ZNF717: variants seen among roughly 807,000 people sequenced by gnomAD.
ZNF717 encodes krueppel-like factor X17.
A neutral mutation model predicts 13.8 loss-of-function variants in ZNF717; 9 were observed. The observed-to-expected ratio is 0.65, with a 90% CI of 0.39 to 1.14. The LOEUF is 1.14. Among genes scored for constraint, ZNF717 ranks in the 50% most tolerant of loss-of-function variants. ZNF717 has a pLI of 0.01. For synonymous variants in ZNF717, 327 were observed against 364.1 expected (o/e 0.90, Z 1.16); for missense variants, 1,040 against 1,080.7 (o/e 0.96, Z 0.53).
At chr3:75,776,572 T>G (rs1471580329) in intron 2 of ZNF717, among the ~76,000 whole-genome samples, 1 of 152,268 alleles carries the variant, frequency 6.6e-6, no homozygotes, top group Non-Finnish European at 1.5e-5. Flanking sequence ...TGACTGGATC[T>G]TCTGAGAACA....
chr3:75,722,096 A>C (rs1416114363), intron 4 of ZNF717, among the ~76,000 whole-genome samples: 2 of 50,348 alleles, frequency 4.0e-5, no homozygotes, highest in Non-Finnish European at 1.0e-4. Context: ...AAATACAAAA[A>C]AAAAAAAAAA....
At chr3:75,767,568 T>C (rs1415978320) in intron 2 of ZNF717, among the ~76,000 whole-genome samples, 2 of 152,188 alleles carry the variant, frequency 1.3e-5, no homozygotes, top group Non-Finnish European at 2.9e-5. Flanking sequence ...ATCAAGACTC[T>C]TGGTGAGGGC....
intron 4 of ZNF717, among the ~76,000 whole-genome samples, chr3:75,722,289 T>C (rs1184091666): frequency 6.6e-6 from 1 of 152,042 alleles, no homozygotes; most frequent in South Asian, 2.1e-4. Flanking sequence ...TTAAAAATAA[T>C]AAATTCAGTT....
rs1308832019 is a variant in ZNF717, at chr3:75,738,280, T to C, written c.1343A>G (p.Glu448Gly). The C allele has an allele frequency of 1.1e-5, 17 of 1,552,852 alleles. No homozygotes were observed. The highest frequency in any genetic ancestry group is 1.7e-4 in the Middle Eastern group (1 of 5,970). ...ACACTCATTACATTCATACGGTTTT[T>C]CCCCTGTGTGTGTTCTCTGATGGAC... ...LTVHQRTHTG[E>G]KPYECNECGK... Residue 448 changes from glutamate (E) to glycine (G), a missense_variant, in exon 5 of 5, where the codon GAA becomes GGA. Glu to Gly is a moderately conservative substitution (Grantham distance 98). This residue lies in a region of ZNF717 where 873 missense variants were observed against 832.8 expected (regional missense o/e 1.05). Transcript: ENST00000652011.
downstream of ZNF717, among the ~76,000 whole-genome samples, chr3:75,731,889 T>G (rs569804016): frequency 2.0e-5 from 3 of 152,398 alleles, no homozygotes; most frequent in African/African-American, 7.2e-5. Context: ...TGGGAATTTA[T>G]GGCTTACAGG....
At position 75,750,604 on chromosome 3, in the gene ZNF717, C is replaced by T. The variant is rs75015881; in HGVS notation, c.58-8868G>A. ...TACGAGAGTCCAAATGTTTGCCCCT[C>T]CAACAGGATTCCAGAACACTGCTGC... On this transcript the variant is annotated intron_variant, in intron 2 of 4. Transcript: ENST00000652011. Among the ~76,000 whole-genome samples the T allele has an allele frequency of 5.5e-4, 83 of 151,866 alleles. 1 individual carries two copies. Among genetic ancestry groups the T allele is most frequent in the Non-Finnish European group, 3.1e-4 (21 of 67,978 alleles).
chr3:75,739,736 ATTC>A (rs1940119110), intron 4 of ZNF717, among the ~76,000 whole-genome samples: 1 of 151,782 alleles, frequency 6.6e-6, no homozygotes, highest in Non-Finnish European at 1.5e-5. Flanking sequence ...TTTTTTCTTT[ATTC>A]TTCTTTGAAG....
chr3:75,717,771 C>A (rs1938085738), intron 4 of ZNF717, among the ~76,000 whole-genome samples: 1 of 152,182 alleles, frequency 6.6e-6, no homozygotes, highest in African/African-American at 2.4e-5. Context: ...GAGACACAGA[C>A]AATATTGGCA....
chr3:75,741,929 G>C, intron 2 of ZNF717, 193 bp from the exon 3 acceptor site: 2 of 646,628 alleles, frequency 3.1e-6, no homozygotes, highest in Non-Finnish European at 5.2e-6. Context: ...AAAAGAACAA[G>C]AATCTGGGAA....
Position 75,730,368 on chromosome 3 carries a change from T to C in ZNF717, c.*245A>G, listed in dbSNP as rs77671262. ...AAGCAATAGTTAAAAAAAAAAAAAG[T>C]AGAAACAGGATTTGATGTCAATTTG... On this transcript the variant is annotated 3_prime_UTR_variant, in exon 6 of 6. Transcript: ENST00000477374. 16 of 386,620 alleles carry C rather than the reference T, an allele frequency of 4.1e-5. No homozygotes were observed. In the East Asian group the frequency reaches 5.8e-4, roughly 14 times the overall value. 23.9% of individuals were successfully genotyped at this position (386,620 alleles called of 1,614,324 possible). A position where few individuals can be genotyped will look rare whatever the true frequency, so the allele number is the denominator to read the frequency against.
downstream of ZNF717, among the ~76,000 whole-genome samples, chr3:75,727,792 C>T (rs1220226564): frequency 2.0e-5 from 3 of 152,184 alleles, no homozygotes; most frequent in Non-Finnish European, 2.9e-5. Flanking sequence ...GCATGTGATG[C>T]TTGTGACCTA....
intron 2 of ZNF717, among the ~76,000 whole-genome samples, chr3:75,751,852 G>A (rs1215765300): frequency 2.7e-5 from 4 of 150,298 alleles, no homozygotes; most frequent in African/African-American, 9.8e-5. Flanking sequence ...TCTCCCTCAC[G>A]TAAGATTTCA....
chr3:75,778,933 T>C (rs1402131361), intron 2 of ZNF717, among the ~76,000 whole-genome samples: 1 of 148,242 alleles, frequency 6.7e-6, no homozygotes, highest in African/African-American at 2.5e-5. Flanking sequence ...CCCAAAACAA[T>C]GGGAGTGAGG....
chr3:75,746,546 G>A (rs1211195546), intron 2 of ZNF717, among the ~76,000 whole-genome samples: 1 of 152,114 alleles, frequency 6.6e-6, no homozygotes, highest in African/African-American at 2.4e-5. Flanking sequence ...AGCACCTGTT[G>A]TTTCCTGACT....
At chr3:75,728,943 C>A (rs76322424), downstream of ZNF717, among the ~76,000 whole-genome samples, 2 of 131,288 alleles carry the variant, frequency 1.5e-5, no homozygotes, top group African/African-American at 5.6e-5. Context: ...GAACAGACTG[C>A]TACAGTCATC....
chr3:75,755,645 A>G (rs1427779508), intron 2 of ZNF717, among the ~76,000 whole-genome samples: 1 of 142,474 alleles, frequency 7.0e-6, no homozygotes, highest in Non-Finnish European at 1.6e-5. Context: ...ACAGTGGGAT[A>G]GTGTTATATG....
At chr3:75,745,489 G>C (rs3009105) in intron 2 of ZNF717, among the ~76,000 whole-genome samples, 112,394 of 151,942 alleles carry the variant, frequency 0.74, 42,050 homozygotes, top group East Asian at 0.8. Flanking sequence ...GTGAATACAC[G>C]TAACATTAAC....
Position 75,741,736 on chromosome 3 carries a change from C to T in ZNF717, c.58G>A (p.Glu20Lys), listed in dbSNP as rs1459580715. ...QELQEKNKSL[E>K]LVSFEEVAVH... ...GCTACCTCCTCAAAGGACACCAACTCCTGTAATGATACCAGGCTGTTGTAG... is the reference window on the plus strand; with the variant it reads ...GCTACCTCCTCAAAGGACACCAACTTCTGTAATGATACCAGGCTGTTGTAG... The change falls in exon 3 of 5, where the codon GAG becomes AAG. Residue 20 changes from glutamate to lysine, a missense_variant and splice_region_variant. This residue lies in a region of ZNF717 where 123 missense variants were observed against 177.8 expected (regional missense o/e 0.69). Coordinates refer to ENST00000652011, the MANE Select transcript of ZNF717 (RefSeq NM_001290208.3). 9 of 1,575,780 alleles carry T rather than the reference C, an allele frequency of 5.7e-6. No homozygotes were observed. Among genetic ancestry groups the T allele is most frequent in the Non-Finnish European group, 6.9e-6 (8 of 1,162,292 alleles).
chr3:75,757,295 T>A (rs1409322090), intron 2 of ZNF717, among the ~76,000 whole-genome samples: 1 of 152,210 alleles, frequency 6.6e-6, no homozygotes, highest in Non-Finnish European at 1.5e-5. Flanking sequence ...GACTCTTTTG[T>A]TAAGGGCTAA....
Sources: gnomAD v4.1 joint callset for allele counts (sites outside exome capture counted in the v4.1 genomes callset) on GRCh38, gnomAD v4.1.1 for gene constraint, gnomAD v4.1.1 regional missense constraint, MANE v1.5 for transcripts, NCBI Gene and HGNC (gene_info 2026-07-23, HGNC 2026-07-21) for gene names.